DOK3: variants seen among roughly 807,000 people sequenced by gnomAD.
DOK3 encodes docking protein 3.
A neutral mutation model predicts 26.2 loss-of-function variants in DOK3; 23 were observed. The observed-to-expected ratio is 0.88, with a 90% CI of 0.63 to 1.24. The LOEUF (loss-of-function observed/expected upper bound fraction) is 1.24. Ranked by LOEUF, DOK3 falls within the 50% of genes most tolerant of loss-of-function variation. The probability of loss-of-function intolerance (pLI) is 0.00; values close to 1 mark genes in which losing one functional copy is unlikely to be tolerated. For missense variants in DOK3, 619 were observed against 610.6 expected, an observed-to-expected ratio of 1.01 and a Z score of -0.15; for synonymous variants, 268 against 268.2, an observed-to-expected ratio of 1.00 and a Z score of 0.01.
At position 177,503,997 on chromosome 5, in the gene DOK3, A is replaced by T. The variant is rs1393549303; in HGVS notation, c.1309T>A (p.Cys437Ser). Residue 437 changes from cysteine to serine, a missense_variant, in exon 6 of 6, where the codon TGT becomes AGT. Transcript: ENST00000510898. ...CTGCTGGGCGTTCAGGGCCGGTCACAAGGGGCTGGGCCCTTCCTCCGCTCA... is the reference window on the plus strand; with the variant it reads ...CTGCTGGGCGTTCAGGGCCGGTCACTAGGGGCTGGGCCCTTCCTCCGCTCA... Reference protein sequence around the residue: ...SRERRKGPAPCDRP With the variant: ...SRERRKGPAPSDRP The T allele has an allele frequency of 2.6e-6, 4 of 1,553,170 alleles. No individual in the cohort carries two copies. The highest frequency in any genetic ancestry group is 3.5e-6 in the Non-Finnish European group (4 of 1,149,438).
upstream of DOK3, chr5:177,510,214 TC>T: frequency 2.7e-6 from 1 of 376,842 alleles, no homozygotes; most frequent in Non-Finnish European, 4.9e-6. Context: ...ACCTGTGTGT[TC>T]TGGCCTGCAT....
upstream of DOK3, chr5:177,510,065 T>A: frequency 1.5e-6 from 1 of 667,898 alleles, no homozygotes; most frequent in Non-Finnish European, 2.6e-6. Flanking sequence ...CACGAGCCAC[T>A]GAACATCACC....
rs200109521 is a variant in DOK3, at chr5:177,509,667, G to C, written c.-117-10C>G. 7.6e-6 allele frequency: 12 copies of C among 1,579,158 alleles called. No homozygotes were observed. Among genetic ancestry groups the C allele is most frequent in the Admixed American group, 6.8e-5 (4 of 58,420 alleles). ...CTCCGTCTAGAGACAGCTGCAGGCC[G>C]GGGGGAGGGGAGCCTGTCTTCAGCT... On this transcript the variant is annotated splice_polypyrimidine_tract_variant and intron_variant, in intron 1 of 5. Transcript: ENST00000510898.
intron 3 of DOK3, among the ~76,000 whole-genome samples, chr5:177,507,015 T>TA (rs1760278271): frequency 6.6e-6 from 1 of 152,128 alleles, no homozygotes; most frequent in African/African-American, 2.4e-5. Context: ...CTCACAAGGC[T>TA]GTGCACTGTT....
Position 177,508,302 on chromosome 5 carries a change from T to C in DOK3, c.307A>G (p.Ser103Gly). 3 of 1,582,078 alleles carry C rather than the reference T, an allele frequency of 1.9e-6. No homozygotes were observed. Among genetic ancestry groups the C allele is most frequent in the Non-Finnish European group, 2.6e-6 (3 of 1,167,232 alleles). Residue 103 changes from serine (S) to glycine (G), a missense_variant, in exon 3 of 6, where the codon AGC becomes GGC. Transcript: ENST00000510898. ...CGGTGCTGAGCAGCCAGTAGATGGC[T>C]TCGCTCGGTGGTGGTGAGCAGGAAG... ...GAFLLTTTER[S>G]HLLAAQHRQA...
chr5:177,510,338 A>C, upstream of DOK3: 1 of 179,270 alleles, frequency 5.6e-6, no homozygotes, highest in Non-Finnish European at 1.2e-5. Context: ...CCGAGAGCTC[A>C]AAGGCCCTCA....
In DOK3 at chr5:177,503,802, T is replaced by C; in HGVS notation, c.*181A>G. The C allele has an allele frequency of 7.0e-7, 1 of 1,430,546 alleles. No homozygotes were observed. The highest frequency in any genetic ancestry group is 1.5e-5 in the South Asian group (1 of 66,786). 88.6% of individuals were successfully genotyped at this position (1,430,546 alleles called of 1,614,324 possible). A position where few individuals can be genotyped will look rare whatever the true frequency, so the allele number is the denominator to read the frequency against. ...CTCTGAGCTTTATTATCTGTGAGTC[T>C]GCACACTATTCATGAGGAGGGCAGG... On this transcript the variant is annotated 3_prime_UTR_variant, in exon 6 of 6. Transcript: ENST00000510898.
rs1037063281 is a variant in DOK3 at position 177,504,771 on chromosome 5, T to C, written c.617A>G (p.His206Arg). ...GTQALYSWPYHFLRKFGSDKG... is the reference protein window; with the variant it reads ...GTQALYSWPYRFLRKFGSDKG... ...GTCGGAGCCGAACTTGCGCAGGAAG[T>C]GGTAGGGCCAGCTGTAGAGGGCCTG... is the stretch of plus-strand genomic sequence containing the variant. Residue 206 changes from histidine (H) to arginine (R), a missense_variant, in exon 5 of 6, where the codon CAC becomes CGC. His to Arg is a conservative substitution (Grantham distance 29). Transcript: ENST00000510898. The C allele has an allele frequency of 6.2e-7, 1 of 1,613,826 alleles. No individual in the cohort carries two copies. Among genetic ancestry groups the C allele is most frequent in the Non-Finnish European group, 8.5e-7 (1 of 1,179,866 alleles).
chr5:177,504,707 G>A (rs772530147), intron 5 of DOK3, 36 bp downstream of exon 5: 19 of 1,613,710 alleles, frequency 1.2e-5, no homozygotes, highest in Admixed American at 1.2e-4. Flanking sequence ...GGTCCAGGGT[G>A]TCAGCCCCTC....
rs1014982167 is a variant in DOK3 at position 177,504,521 on chromosome 5, G to A, written c.785C>T (p.Thr262Ile). The A allele has an allele frequency of 6.3e-7, 1 of 1,590,344 alleles. No homozygotes were observed. Among genetic ancestry groups the A allele is most frequent in the Non-Finnish European group, 8.5e-7 (1 of 1,171,840 alleles). ...ARQRERLPEL[T>I]RPQPCPLPRA... Reference sequence around the variant, plus strand: ...TGGCAGGGGGCAGGGCTGGGGCCTGGTCAGCTCTGGCAGCCGCTCCCGCTG... The same window carrying A: ...TGGCAGGGGGCAGGGCTGGGGCCTGATCAGCTCTGGCAGCCGCTCCCGCTG... Residue 262 changes from threonine (T) to isoleucine (I), a missense_variant, in exon 6 of 6, where the codon ACC (threonine) becomes ATC (isoleucine). Transcript: ENST00000510898.
In DOK3 at chr5:177,503,185, G is replaced by A; in HGVS notation, c.*798C>T. The A allele has an allele frequency of 6.4e-7, 1 of 1,551,566 alleles. No individual in the cohort carries two copies. Among genetic ancestry groups the A allele is most frequent in the South Asian group, 1.2e-5 (1 of 84,058 alleles). ...GAGCAGGAGCAGAGGAGGGAACGCA[G>A]CATGGAAGTCTTCAGGAAACTTCTC... On this transcript the variant is annotated 3_prime_UTR_variant, in exon 6 of 6. Transcript: ENST00000510898.
chr5:177,504,129 G>A lies in DOK3; in HGVS notation c.1177C>T (p.Leu393=). 6.2e-7 allele frequency: 1 copy of A among 1,613,892 alleles called. No individual in the cohort carries two copies. Among genetic ancestry groups the A allele is most frequent in the Non-Finnish European group, 8.5e-7 (1 of 1,179,900 alleles). ...AGCAGCCGCCGGTACTGGGCCTCCA[G>A]GGTACTGTCGTTGGCCGGGCCGGGC... is the stretch of plus-strand genomic sequence containing the variant. ...SWPGPANDST[L]EAQYRRLLEL... The change falls in exon 6 of 6, where the codon CTG becomes TTG. Residue 393 remains leucine (L), a synonymous_variant. Coordinates refer to ENST00000510898, the MANE Select transcript of DOK3 (RefSeq NM_001308236.3).
In DOK3 at chr5:177,503,914, T is replaced by C; in HGVS notation, c.*69A>G. 1 of 1,462,124 alleles carries C rather than the reference T, an allele frequency of 6.8e-7. No individual in the cohort carries two copies. 90.6% of individuals were successfully genotyped at this position (1,462,124 alleles called of 1,614,324 possible). A position where few individuals can be genotyped will look rare whatever the true frequency, so the allele number is the denominator to read the frequency against. Reference sequence around the variant, plus strand: ...CGTGTGTCTGCATGGGCCCAATGTTTGCCCACCAGCCCACCCTCCTGTCCC... The same window carrying C: ...CGTGTGTCTGCATGGGCCCAATGTTCGCCCACCAGCCCACCCTCCTGTCCC... On this transcript the variant is annotated 3_prime_UTR_variant, in exon 6 of 6. Coordinates refer to ENST00000510898, the MANE Select transcript of DOK3 (RefSeq NM_001308236.3).
chr5:177,509,646 G>A lies in DOK3; in HGVS notation c.-106C>T, dbSNP rs200684546. ...CCTTCTGGCCACTTCCCGTCCCTCCGTCTAGAGACAGCTGCAGGCCGGGGG... is the reference window on the plus strand; with the variant it reads ...CCTTCTGGCCACTTCCCGTCCCTCCATCTAGAGACAGCTGCAGGCCGGGGG... On this transcript the variant is annotated 5_prime_UTR_variant, in exon 2 of 6. The change creates a new upstream start codon in the 5' untranslated region. Transcript: ENST00000510898. The A allele has an allele frequency of 1.4e-5, 22 of 1,588,472 alleles. No homozygotes were observed. The highest frequency in any genetic ancestry group is 1.1e-4 in the African/African-American group (8 of 74,616).
upstream of DOK3, chr5:177,509,858 C>T (rs751019843): frequency 1.9e-6 from 3 of 1,610,266 alleles, no homozygotes; most frequent in Admixed American, 5.0e-5. Flanking sequence ...GTCATGAGTT[C>T]CCGCCCCTCC....
At position 177,502,791 on chromosome 5, in the gene DOK3, C is replaced by T. The variant is rs1214535250; in HGVS notation, c.*1192G>A. The T allele has an allele frequency of 4.0e-6, 2 of 496,504 alleles. No homozygotes were observed. Among genetic ancestry groups the T allele is most frequent in the East Asian group, 6.3e-5 (2 of 31,642 alleles). The allele number at this position is 496,504 out of a possible 1,614,324, so 30.8% of individuals were successfully genotyped here. On this transcript the variant is annotated 3_prime_UTR_variant, in exon 6 of 6. Coordinates refer to ENST00000510898, the MANE Select transcript of DOK3 (RefSeq NM_001308236.3). ...TGCAGGCACTGAGGAGGTCTGGGCT[C>T]GCCCAAGGCCGGGGACTTTGCCAGA...
rs560202226 is a variant in DOK3 at position 177,503,115 on chromosome 5, A to G, written c.*868T>C. 6.4e-7 allele frequency: 1 copy of G among 1,551,384 alleles called. No homozygotes were observed. Among genetic ancestry groups the G allele is most frequent in the African/African-American group, 1.4e-5 (1 of 73,108 alleles). ...AGGGGCTGGGCAGTCAGAGCCCTGGAGGCATGACGCTTGCGTGCGTGGCTG... is the reference window on the plus strand; with the variant it reads ...AGGGGCTGGGCAGTCAGAGCCCTGGGGGCATGACGCTTGCGTGCGTGGCTG... On this transcript the variant is annotated 3_prime_UTR_variant, in exon 6 of 6. Transcript: ENST00000510898.
chr5:177,504,897 AC>A lies in DOK3; in HGVS notation c.490del (p.Val164TrpfsTer13). ...GGTGGCGGCCTCAGTCCTCTGCACC[AC>A]CACGGGAAACTCGCCCACTGTGGCA... is the stretch of plus-strand genomic sequence containing the variant. The part of the protein sequence containing the change: ...SWQEVGEFPV[V>X]VQRTEAATRC... On this transcript the variant is annotated frameshift_variant, in exon 5 of 6. Coordinates refer to ENST00000510898, the MANE Select transcript of DOK3 (RefSeq NM_001308236.3). LOFTEE classifies it high-confidence loss of function. The A allele has an allele frequency of 6.3e-7, 1 of 1,590,674 alleles. No individual in the cohort carries two copies. Among genetic ancestry groups the A allele is most frequent in the Non-Finnish European group, 8.6e-7 (1 of 1,166,812 alleles).
At chr5:177,505,271 G>A (rs1190464030) in intron 3 of DOK3, among the ~76,000 whole-genome samples, 161 bp from the exon 4 acceptor site, 1 of 152,206 alleles carries the variant, frequency 6.6e-6, no homozygotes, top group Non-Finnish European at 1.5e-5. Flanking sequence ...CCCCTTCCGA[G>A]CCTGTTCTCC....
Sources: gnomAD v4.1 joint callset for allele counts (sites outside exome capture counted in the v4.1 genomes callset) on GRCh38, gnomAD v4.1.1 for gene constraint, MANE v1.5 for transcripts, NCBI Gene and HGNC (gene_info 2026-07-23, HGNC 2026-07-21) for gene names.